AGAP1: variants seen among roughly 807,000 people sequenced by gnomAD.
AGAP1 encodes arf-GAP with GTPase, ANK repeat and PH domain-containing protein 1.
A neutral mutation model predicts 105.3 loss-of-function variants in AGAP1; 29 were observed. That is an observed-to-expected ratio of 0.28 (90% CI 0.21 to 0.38). AGAP1 has a LOEUF of 0.38. AGAP1 is among the 10% of genes least tolerant of loss of function. The probability of loss-of-function intolerance (pLI) is 1.00; values close to 1 mark genes in which losing one functional copy is unlikely to be tolerated. For missense variants in AGAP1, 998 were observed against 1,165.1 expected (o/e 0.86, Z 2.09); for synonymous variants, 509 against 485.9 (o/e 1.05, Z -0.63).
intron 9 of AGAP1, among the ~76,000 whole-genome samples, chr2:235,821,789 T>TC (rs1288919269): frequency 6.6e-6 from 1 of 152,334 alleles, no homozygotes; most frequent in East Asian, 1.9e-4. Context: ...ATCCCTCCTT[T>TC]CACTTAATTG....
At chr2:235,913,954 C>T (rs992864124) in intron 11 of AGAP1, among the ~76,000 whole-genome samples, 2 of 151,860 alleles carry the variant, frequency 1.3e-5, no homozygotes, top group Non-Finnish European at 2.9e-5. Flanking sequence ...ATTATAGCCT[C>T]CAGCAAAGTT....
At chr2:235,884,552 G>A (rs2050182787) in intron 10 of AGAP1, among the ~76,000 whole-genome samples, 1 of 150,004 alleles carries the variant, frequency 6.7e-6, no homozygotes, top group African/African-American at 2.5e-5. Context: ...CTGGGTTCAG[G>A]CAATTCTCCT....
At chr2:236,032,674 A>T (rs2057260770) in intron 13 of AGAP1, among the ~76,000 whole-genome samples, 1 of 152,116 alleles carries the variant, frequency 6.6e-6, no homozygotes, top group Admixed American at 6.6e-5. Context: ...TGAAGAAAAG[A>T]GGTGATGATC....
At chr2:235,878,397 G>C (rs777432371) in intron 9 of AGAP1, among the ~76,000 whole-genome samples, 1 of 152,116 alleles carries the variant, frequency 6.6e-6, no homozygotes, top group Non-Finnish European at 1.5e-5. Flanking sequence ...CTGCAGGGTC[G>C]CTGTGTTGCA....
chr2:235,910,854 G>A (rs2051572051), intron 11 of AGAP1, among the ~76,000 whole-genome samples: 1 of 151,910 alleles, frequency 6.6e-6, no homozygotes, highest in Non-Finnish European at 1.5e-5. Flanking sequence ...GAGGTGGAGT[G>A]CAGTGAGCCG....
Position 236,128,366 on chromosome 2 carries a change from C to A in AGAP1, c.*4244C>A. 1 of 152,590 alleles carries A rather than the reference C, an allele frequency of 6.6e-6. No individual in the cohort carries two copies. Among genetic ancestry groups the A allele is most frequent in the Non-Finnish European group, 1.5e-5 (1 of 68,258 alleles). The allele number at this position is 152,590 out of a possible 1,614,324, so 9.5% of individuals were successfully genotyped here. The stretch of plus-strand genomic sequence containing the variant: ...AGGTGCCGTTGACGTGGACAGCGCC[C>A]CTCCCTTAAGATGCCCCCTTGCCGT... On this transcript the variant is annotated 3_prime_UTR_variant, in exon 18 of 18. Coordinates refer to ENST00000304032, the MANE Select transcript of AGAP1 (RefSeq NM_001037131.3). This position sits in a 1 kb window ranked among gnomAD's most constrained non-coding sequence, Gnocchi z 5.9.
intron 1 of AGAP1, among the ~76,000 whole-genome samples, chr2:235,587,699 G>A (rs930627613): frequency 6.6e-6 from 1 of 151,726 alleles, no homozygotes. Context: ...AGGTTGCAGT[G>A]AGCTGAGATA....
chr2:235,841,836 A>G (rs1287611981), intron 9 of AGAP1, among the ~76,000 whole-genome samples: 1 of 152,068 alleles, frequency 6.6e-6, no homozygotes, highest in Admixed American at 6.5e-5. Flanking sequence ...ATTCCTGCCT[A>G]TAGGCTCATC....
chr2:235,667,354 C>T (rs755461816), intron 1 of AGAP1, among the ~76,000 whole-genome samples: 2 of 152,048 alleles, frequency 1.3e-5, no homozygotes, highest in Non-Finnish European at 2.9e-5. Context: ...CTGGAAATGT[C>T]AAGGTAACAT....
At position 236,096,161 on chromosome 2, in the gene AGAP1, A is replaced by G. The variant is rs1225269592; in HGVS notation, c.2115-24031A>G. Among the ~76,000 whole-genome samples, 2 of 152,208 alleles carry G rather than the reference A, an allele frequency of 1.3e-5. No homozygotes were observed. The highest frequency in any genetic ancestry group is 4.8e-5 in the African/African-American group (2 of 41,458). On this transcript the variant is annotated intron_variant, in intron 16 of 17. Coordinates refer to ENST00000304032, the MANE Select transcript of AGAP1 (RefSeq NM_001037131.3). The surrounding 1 kb of genome is among the most constrained non-coding windows in gnomAD (Gnocchi z 4.4). ...ATAGCTGTTTTTCATCCAGTAGGTA[A>G]CTTCACTGGCTTCTTCACACAAATG...
intron 1 of AGAP1, among the ~76,000 whole-genome samples, chr2:235,548,446 G>C (rs1943698252): frequency 6.6e-6 from 1 of 152,136 alleles, no homozygotes; most frequent in Non-Finnish European, 1.5e-5. Context: ...CTGAGGTCAG[G>C]AGTTCGAGGC....
Position 235,919,797 on chromosome 2 carries a change from A to C in AGAP1, c.1324+10891A>C, listed in dbSNP as rs550582924. Among the ~76,000 whole-genome samples, 39 of 152,328 alleles carry C rather than the reference A, an allele frequency of 2.6e-4. No individual in the cohort carries two copies. Among genetic ancestry groups the C allele is most frequent in the South Asian group, 6.2e-4 (3 of 4,830 alleles). On this transcript the variant is annotated intron_variant, in intron 11 of 17. Transcript: ENST00000304032. This position sits in a 1 kb window ranked among gnomAD's most constrained non-coding sequence, Gnocchi z 4.1. ...ACCGTTATTCATGGCAAAGGAAGACACCAAACAAAGAAAAATTCTTTTCTT... is the reference window on the plus strand; with the variant it reads ...ACCGTTATTCATGGCAAAGGAAGACCCCAAACAAAGAAAAATTCTTTTCTT...
At position 235,615,212 on chromosome 2, in the gene AGAP1, G is replaced by T. The variant is rs571685322; in HGVS notation, c.164-93967G>T. Among the ~76,000 whole-genome samples the T allele has an allele frequency of 1.5e-4, 23 of 152,288 alleles. No homozygotes were observed. The highest frequency in any genetic ancestry group is 5.5e-4 in the African/African-American group (23 of 41,562). On this transcript the variant is annotated intron_variant, in intron 1 of 17. Transcript: ENST00000304032. This position sits in a 1 kb window ranked among gnomAD's most constrained non-coding sequence, Gnocchi z 5.0. ...CTGCCAGCCAGCTTGCACGGTCCAGGGACGTCCCCACCCTCGGTTGGGTTG... is the reference window on the plus strand; with the variant it reads ...CTGCCAGCCAGCTTGCACGGTCCAGTGACGTCCCCACCCTCGGTTGGGTTG...
rs577269466 is a variant in AGAP1, at chr2:236,044,474, G to T, written c.1891+3633G>T. ...CGCCCATGAAGCCCTGGTTGGAGCT[G>T]ACCGTGCGCTGGTCCCTCCCACCCT... On this transcript the variant is annotated intron_variant, in intron 15 of 17. Transcript: ENST00000304032. The surrounding 1 kb of genome is among the most constrained non-coding windows in gnomAD (Gnocchi z 5.7). Among the ~76,000 whole-genome samples, 145 of 152,220 alleles carry T rather than the reference G, an allele frequency of 9.5e-4. 1 individual carries two copies. Among genetic ancestry groups the T allele is most frequent in the African/African-American group, 3.5e-3 (144 of 41,524 alleles).
At chr2:235,859,985 A>G (rs2048858796) in intron 9 of AGAP1, among the ~76,000 whole-genome samples, 4 of 152,196 alleles carry the variant, frequency 2.6e-5, no homozygotes, top group Non-Finnish European at 4.4e-5. Context: ...CACCATCCCC[A>G]TGGGTTACCT....
chr2:235,605,367 C>T (rs886496118), intron 1 of AGAP1, among the ~76,000 whole-genome samples: 13 of 152,196 alleles, frequency 8.5e-5, no homozygotes, highest in South Asian at 4.1e-4. Flanking sequence ...GTAACCACCC[C>T]GAGGCTGCAC....
In AGAP1 at chr2:235,586,509, T is replaced by C. The variant is rs1359867535; in HGVS notation, c.163+91660T>C. ...CAGTCAAGGCTGCCACGAGCAAGTA[T>C]TTTGAGTGCTCCTTATGTCCATGCA... is the stretch of plus-strand genomic sequence containing the variant. On this transcript the variant is annotated intron_variant, in intron 1 of 17. Coordinates refer to ENST00000304032, the MANE Select transcript of AGAP1 (RefSeq NM_001037131.3). This position sits in a 1 kb window ranked among gnomAD's most constrained non-coding sequence, Gnocchi z 4.2. 6.6e-6 allele frequency among the ~76,000 whole-genome samples: 1 copy of C among 152,216 alleles called. No homozygotes were observed. The highest frequency in any genetic ancestry group is 1.9e-4 in the East Asian group (1 of 5,190).
rs1265850791 is a variant in AGAP1, at chr2:235,720,667, C to T, written c.310+3023C>T. 2 of 985,238 alleles carry T rather than the reference C, an allele frequency of 2.0e-6. No individual in the cohort carries two copies. The highest frequency in any genetic ancestry group is 1.1e-4 in the East Asian group (1 of 8,812). The allele number at this position is 985,238 out of a possible 1,614,324, so 61.0% of individuals were successfully genotyped here. On this transcript the variant is annotated intron_variant, in intron 3 of 17. Transcript: ENST00000304032. The surrounding 1 kb of genome is among the most constrained non-coding windows in gnomAD (Gnocchi z 5.0). ...TGTCCAGATAGTTCCTTGGATTCTC[C>T]CTGCGCTTCTTAATGTCTGTGCCCT...
chr2:235,799,892 A>G lies in AGAP1; in HGVS notation c.957+370A>G, dbSNP rs554820435. Among the ~76,000 whole-genome samples the G allele has an allele frequency of 3.8e-4, 58 of 152,102 alleles. No homozygotes were observed. Among genetic ancestry groups the G allele is most frequent in the African/African-American group, 1.3e-3 (53 of 41,486 alleles). ...CCGTTCAGATGATATATAAGCTATT[A>G]CTGTCCACAGGCCCTCTTCTTCTTC... On this transcript the variant is annotated intron_variant, in intron 8 of 17. Coordinates refer to ENST00000304032, the MANE Select transcript of AGAP1 (RefSeq NM_001037131.3). This position sits in a 1 kb window ranked among gnomAD's most constrained non-coding sequence, Gnocchi z 5.0.
Sources: gnomAD v4.1 joint callset for allele counts (sites outside exome capture counted in the v4.1 genomes callset) on GRCh38, gnomAD v4.1.1 for gene constraint, Gnocchi (gnomAD v3.1) non-coding constraint, MANE v1.5 for transcripts, NCBI Gene and HGNC (gene_info 2026-07-23, HGNC 2026-07-21) for gene names.